The following GPR137B variants were observed in gnomAD, a reference collection of about 807,000 sequenced individuals.
The protein encoded by GPR137B is integral membrane protein GPR137B.
Under a neutral mutation model 42.5 loss-of-function variants are expected in GPR137B, and 42 were observed. The observed-to-expected ratio is 0.99, with a 90% CI of 0.77 to 1.28. The LOEUF (loss-of-function observed/expected upper bound fraction) is 1.28. GPR137B is among the 50% of genes most tolerant of loss of function. The pLI, the probability that GPR137B is intolerant of heterozygous loss-of-function variation, is 0.00. For synonymous variants in GPR137B, 218 were observed against 209.7 expected, an observed-to-expected ratio of 1.04 and a Z score of -0.34; for missense variants, 487 against 493.9, an observed-to-expected ratio of 0.99 and a Z score of 0.13.
intron 1 of GPR137B, among the ~76,000 whole-genome samples, chr1:236,160,183 C>T (rs1662146438): frequency 6.6e-6 from 1 of 152,192 alleles, no homozygotes; most frequent in Admixed American, 6.5e-5. Flanking sequence ...CTTCTTTCTC[C>T]TTCAGGCCTG....
At chr1:236,201,935 G>A (rs111270913) in intron 5 of GPR137B, among the ~76,000 whole-genome samples, 1,670 of 152,060 alleles carry the variant, frequency 0.011, 61 homozygotes, top group African/African-American at 0.039. Flanking sequence ...TTTTGTCTGG[G>A]TGGTTCCTTG....
At chr1:236,177,748 G>T (rs1662729442) in intron 2 of GPR137B, among the ~76,000 whole-genome samples, 1 of 151,884 alleles carries the variant, frequency 6.6e-6, no homozygotes, top group South Asian at 2.1e-4. Flanking sequence ...TAGAGACGGG[G>T]TTTCACCATG....
At chr1:236,147,671 G>C (rs1327061717) in intron 1 of GPR137B, among the ~76,000 whole-genome samples, 2 of 152,076 alleles carry the variant, frequency 1.3e-5, no homozygotes, top group African/African-American at 2.4e-5. Context: ...AGATCACCAG[G>C]GCACAGGTCA....
chr1:236,172,827 G>C (rs1308466018), intron 2 of GPR137B, among the ~76,000 whole-genome samples: 1 of 151,300 alleles, frequency 6.6e-6, no homozygotes, highest in Non-Finnish European at 1.5e-5. Context: ...TGGGAATACA[G>C]GTGCATGTCA....
rs1038358200 is a variant in GPR137B, at chr1:236,178,342, C to T, written c.465-72C>T. ...GGTGTGTCTGCTTCTAGCAGTTCAC[C>T]AAAACACATCTCAGTGTCCTTCTAG... On this transcript the variant is annotated intron_variant, in intron 2 of 6. Coordinates refer to ENST00000366592, the MANE Select transcript of GPR137B (RefSeq NM_003272.4). The T allele has an allele frequency of 2.4e-5, 22 of 900,020 alleles. No individual in the cohort carries two copies. In the East Asian group the frequency reaches 5.3e-4, roughly 22 times the overall value. 55.8% of individuals were successfully genotyped at this position (900,020 alleles called of 1,614,324 possible).
At chr1:236,183,205 G>A (rs1437622114) in intron 4 of GPR137B, among the ~76,000 whole-genome samples, 2 of 152,262 alleles carry the variant, frequency 1.3e-5, no homozygotes, top group East Asian at 3.9e-4. Flanking sequence ...TGTTTTTCTA[G>A]ACAAGCTAGC....
intron 5 of GPR137B, among the ~76,000 whole-genome samples, chr1:236,187,692 T>TCTGTTTTGGTACCAGTCCCATG (rs1663073049): frequency 7.8e-6 from 1 of 129,004 alleles, no homozygotes; most frequent in Admixed American, 8.2e-5. Context: ...GGTCTATATA[T>TCTGTTTTGGTACCAGTCCCATG]CTGTTTTGGT....
intron 1 of GPR137B, among the ~76,000 whole-genome samples, chr1:236,148,195 G>A (rs535791854): frequency 2.0e-5 from 3 of 152,368 alleles, no homozygotes; most frequent in South Asian, 4.1e-4. Flanking sequence ...CTCTGCTCAT[G>A]AGGAATTATG....
At chr1:236,173,915 TAAC>T (rs1352575048) in intron 2 of GPR137B, among the ~76,000 whole-genome samples, 2 of 146,512 alleles carry the variant, frequency 1.4e-5, no homozygotes, top group African/African-American at 5.2e-5. Context: ...ATAAAAGTGA[TAAC>T]AAGGATATTA....
At chr1:236,170,204 ACT>A (rs1403879873) in intron 2 of GPR137B, among the ~76,000 whole-genome samples, 2 of 151,962 alleles carry the variant, frequency 1.3e-5, no homozygotes, top group African/African-American at 4.8e-5. Flanking sequence ...TGAAAAGGTG[ACT>A]CTGGCCATTG....
Position 236,142,736 on chromosome 1 carries a change from C to T in GPR137B, c.114C>T (p.Pro38=). 9.9e-6 allele frequency: 16 copies of T among 1,611,074 alleles called. No individual in the cohort carries two copies. Among genetic ancestry groups the T allele is most frequent in the Non-Finnish European group, 1.4e-5 (16 of 1,179,554 alleles). Residue 38 remains proline, a synonymous_variant, in exon 1 of 7, where the codon CCC becomes CCT. Coordinates refer to ENST00000366592, the MANE Select transcript of GPR137B (RefSeq NM_003272.4). The part of the protein sequence containing the change: ...SLPPTLTPAV[P]PYVKLGLTVV... ...CGCCCACGCTGACCCCGGCCGTGCCCCCCTACGTGAAGCTTGGCCTCACCG... is the reference window on the plus strand; with the variant it reads ...CGCCCACGCTGACCCCGGCCGTGCCTCCCTACGTGAAGCTTGGCCTCACCG...
chr1:236,164,570 C>T (rs950518928), intron 1 of GPR137B, among the ~76,000 whole-genome samples: 14 of 152,168 alleles, frequency 9.2e-5, no homozygotes, highest in African/African-American at 2.7e-4. Context: ...GCTCAAGTTC[C>T]GGACACCCAC....
At position 236,150,219 on chromosome 1, in the gene GPR137B, G is replaced by C. The variant is rs1166370862; in HGVS notation, c.414+7183G>C. 6.7e-6 allele frequency among the ~76,000 whole-genome samples: 1 copy of C among 150,114 alleles called. No individual in the cohort carries two copies. ...TGTGCCTGTGTGTGTGTCTGTGCCT[G>C]TGTGTGCCTGTGTATGTCTGTGCCC... On this transcript the variant is annotated intron_variant, in intron 1 of 6. Coordinates refer to ENST00000366592, the MANE Select transcript of GPR137B (RefSeq NM_003272.4). This position sits in a 1 kb window ranked among gnomAD's most constrained non-coding sequence, Gnocchi z 6.2.
rs756448275 is a variant in GPR137B at position 236,143,006 on chromosome 1, C to G, written c.384C>G (p.Thr128=). The G allele has an allele frequency of 6.2e-6, 10 of 1,613,480 alleles. No homozygotes were observed. ...TCCCTGTGTGCCTGCAGTTTTTCAC[C>G]CTCACGCTGATGAACTTGTACTTCA... ...YCFPVCLQFF[T]LTLMNLYFTQ... The change falls in exon 1 of 7, where the codon ACC becomes ACG. Residue 128 remains threonine (T), a synonymous_variant. Transcript: ENST00000366592.
chr1:236,145,847 A>T (rs1661667396), intron 1 of GPR137B, among the ~76,000 whole-genome samples: 1 of 152,116 alleles, frequency 6.6e-6, no homozygotes, highest in African/African-American at 2.4e-5. Context: ...TCTGAGTGTG[A>T]GGTTTGTCTT....
At chr1:236,151,913 C>T (rs1017174575) in intron 1 of GPR137B, among the ~76,000 whole-genome samples, 1 of 152,040 alleles carries the variant, frequency 6.6e-6, no homozygotes, top group Non-Finnish European at 1.5e-5. Flanking sequence ...GTCATGTTGT[C>T]CCATCAGGCT....
intron 1 of GPR137B, among the ~76,000 whole-genome samples, chr1:236,144,785 G>A (rs528758505): frequency 2.2e-4 from 34 of 152,364 alleles, no homozygotes; most frequent in African/African-American, 8.2e-4. Flanking sequence ...TGACAATGGT[G>A]GTATTGCACG....
In GPR137B at chr1:236,177,346, C is replaced by G. The variant is rs186087053; in HGVS notation, c.465-1068C>G. Reference sequence around the variant, plus strand: ...TGTCTGCCTCTTTCTCTCTCTACCCCCTCCCTCTCCCTACCCACCGACTTA... The same window carrying G: ...TGTCTGCCTCTTTCTCTCTCTACCCGCTCCCTCTCCCTACCCACCGACTTA... On this transcript the variant is annotated intron_variant, in intron 2 of 6. Coordinates refer to ENST00000366592, the MANE Select transcript of GPR137B (RefSeq NM_003272.4). Among the ~76,000 whole-genome samples the G allele has an allele frequency of 2.6e-5, 4 of 152,128 alleles. No homozygotes were observed. In the East Asian group the frequency reaches 7.7e-4, roughly 29 times the overall value.
At chr1:236,170,164 G>A (rs2102904597) in intron 2 of GPR137B, among the ~76,000 whole-genome samples, 1 of 152,206 alleles carries the variant, frequency 6.6e-6, no homozygotes, top group South Asian at 2.1e-4. Flanking sequence ...TTCTGCCCGG[G>A]AGAACTCCAT....
Sources: allele counts gnomAD v4.1 joint callset (sites outside exome capture counted in the v4.1 genomes callset), GRCh38; gene constraint gnomAD v4.1.1; non-coding constraint Gnocchi (gnomAD v3.1); transcripts MANE v1.5; gene names NCBI Gene and HGNC (gene_info 2026-07-23, HGNC 2026-07-21).